GTF2F2: variants seen among roughly 807,000 people sequenced by gnomAD.
GTF2F2 encodes ATP-dependent helicase GTF2F2.
In GTF2F2, 23 loss-of-function variants were observed where a neutral mutation model predicts 42.2. The observed-to-expected ratio is 0.55, with a 90% CI of 0.39 to 0.77. GTF2F2 has a LOEUF of 0.77. Ranked by LOEUF, GTF2F2 falls within the 30% of genes least tolerant of loss-of-function variation. The pLI is 0.00. For missense variants in GTF2F2, 261 were observed against 287.2 expected (o/e 0.91, Z 0.66); for synonymous variants, 105 against 100.8 (o/e 1.04, Z -0.25).
Position 45,136,754 on chromosome 13 carries a change from C to T in GTF2F2, c.88C>T (p.Gln30Ter). ...LVKVPKYLSQ[Q>*]WAKASGRGEV... ...TTAGGTTCCTAAATATTTGTCACAG[C>T]AATGGGCTAAAGCCTCTGGAAGAGG... The change falls in exon 2 of 8, where the codon CAA (glutamine) becomes TAA (stop). Residue 30 changes from glutamine to a stop codon, truncating the protein, a stop_gained. Transcript: ENST00000340473. LOFTEE classifies it high-confidence loss of function. 1 of 1,593,410 alleles carries T rather than the reference C, an allele frequency of 6.3e-7. No individual in the cohort carries two copies. Among genetic ancestry groups the T allele is most frequent in the South Asian group, 1.1e-5 (1 of 89,728 alleles).
chr13:45,244,933 G>C (rs559653488), intron 5 of GTF2F2, among the ~76,000 whole-genome samples: 1 of 152,164 alleles, frequency 6.6e-6, no homozygotes, highest in African/African-American at 2.4e-5. Context: ...AAAATGCTGG[G>C]ATTACAGGCA....
intron 1 of GTF2F2, among the ~76,000 whole-genome samples, chr13:45,130,293 A>G (rs1410115015): frequency 6.6e-6 from 1 of 152,222 alleles, no homozygotes; most frequent in Admixed American, 6.5e-5. Flanking sequence ...CTGCAGTTGC[A>G]AAATAGAATG....
In GTF2F2 at chr13:45,245,796, C is replaced by G. The variant is rs1220784164; in HGVS notation, c.387-7075C>G. 2.1e-5 allele frequency among the ~76,000 whole-genome samples: 3 copies of G among 146,050 alleles called. No individual in the cohort carries two copies. The East Asian group carries it at 6.3e-4, about 31-fold the overall frequency. ...ATCTACTAAAAATACAAAAAATTAG[C>G]CGGGCGTGGTGGCAGGTGCCTGCAG... On this transcript the variant is annotated intron_variant, in intron 5 of 7. Transcript: ENST00000340473.
chr13:45,124,612 T>G (rs1297702746), intron 1 of GTF2F2, among the ~76,000 whole-genome samples: 2 of 152,168 alleles, frequency 1.3e-5, no homozygotes, highest in East Asian at 3.9e-4. Flanking sequence ...TCACCCAGGC[T>G]GGTGTGCAAT....
rs1331405112 is a variant in GTF2F2, at chr13:45,272,431, A to AC, written c.630+5055_630+5056insC. 3.4e-3 allele frequency among the ~76,000 whole-genome samples: 487 copies of AC among 143,228 alleles called. 1 individual carries two copies. The highest frequency in any genetic ancestry group is 6.4e-3 in the Non-Finnish European group (432 of 67,126). The allele number at this position is 143,228 out of a possible 152,430, so 94.0% of individuals were successfully genotyped here. On this transcript the variant is annotated intron_variant, in intron 7 of 7. Transcript: ENST00000340473. Reference sequence around the variant, plus strand: ...GGTTTTGTTTTGGCTCTTTAAAAAAAAAAAAAAAACAAAAAAAAAAAACAG... The same window carrying AC: ...GGTTTTGTTTTGGCTCTTTAAAAAAACAAAAAAAAACAAAAAAAAAAAACAG...
intron 4 of GTF2F2, among the ~76,000 whole-genome samples, chr13:45,156,979 A>C (rs1036217334): frequency 5.9e-5 from 9 of 152,220 alleles, no homozygotes; most frequent in African/African-American, 2.2e-4. Context: ...AGGAGACAAC[A>C]GTAAACATAA....
chr13:45,207,005 A>AACACACACACACACACACACACACACAC (rs10547539), intron 4 of GTF2F2: 8 of 139,278 alleles, frequency 5.7e-5, no homozygotes, highest in African/African-American at 1.8e-4. Flanking sequence ...CACATACACA[A>AACACACACACACACACACACACACACAC]ACACACACAC....
intron 1 of GTF2F2, chr13:45,124,064 C>CCAAATTCAT: frequency 9.6e-7 from 1 of 1,037,640 alleles, no homozygotes; most frequent in Non-Finnish European, 1.5e-6. Context: ...GTTGCTGTAG[C>CCAAATTCAT]CAAATTCATT....
At chr13:45,279,671 G>C (rs895154442) in intron 7 of GTF2F2, among the ~76,000 whole-genome samples, 1 of 152,136 alleles carries the variant, frequency 6.6e-6, no homozygotes, top group Non-Finnish European at 1.5e-5. Context: ...GCTTTGGGAG[G>C]CCGAGGCGGG....
chr13:45,128,729 G>A lies in GTF2F2; in HGVS notation c.67-8004G>A, dbSNP rs527452935. On this transcript the variant is annotated intron_variant, in intron 1 of 7. Transcript: ENST00000340473. Reference sequence around the variant, plus strand: ...CTGCCTCAACCTCCCAAGTACCTTGGATCACAAGTGTGCACTAATATGCCT... The same window carrying A: ...CTGCCTCAACCTCCCAAGTACCTTGAATCACAAGTGTGCACTAATATGCCT... Among the ~76,000 whole-genome samples, 25 of 152,110 alleles carry A rather than the reference G, an allele frequency of 1.6e-4. 1 individual carries two copies. The highest frequency in any genetic ancestry group is 5.8e-4 in the African/African-American group (24 of 41,534).
At chr13:45,233,980 C>T (rs1874820278) in intron 5 of GTF2F2, among the ~76,000 whole-genome samples, 1 of 152,160 alleles carries the variant, frequency 6.6e-6, no homozygotes, top group South Asian at 2.1e-4. Context: ...TTTATGTTTT[C>T]CTACTGGTGA....
At chr13:45,162,438 A>G (rs1417974968) in intron 4 of GTF2F2, among the ~76,000 whole-genome samples, 3 of 152,224 alleles carry the variant, frequency 2.0e-5, no homozygotes, top group Non-Finnish European at 2.9e-5. Context: ...TGTGAGGAGG[A>G]ACAAACAGGA....
intron 2 of GTF2F2, among the ~76,000 whole-genome samples, chr13:45,139,739 G>T (rs1869828372): frequency 6.6e-6 from 1 of 152,106 alleles, no homozygotes; most frequent in African/African-American, 2.4e-5. Context: ...AACTCTACCA[G>T]GTCAGGATTT....
intron 4 of GTF2F2, among the ~76,000 whole-genome samples, chr13:45,197,526 A>G (rs1309071170): frequency 1.3e-5 from 2 of 150,128 alleles, no homozygotes; most frequent in East Asian, 3.9e-4. Context: ...AAAAAAAAAA[A>G]GGCACCCAGT....
chr13:45,131,333 G>A (rs2138093286), intron 1 of GTF2F2, among the ~76,000 whole-genome samples: 1 of 152,268 alleles, frequency 6.6e-6, no homozygotes, highest in East Asian at 1.9e-4. Context: ...AGAGTCCAGA[G>A]AAGTAGAGGG....
intron 7 of GTF2F2, among the ~76,000 whole-genome samples, chr13:45,277,611 C>T (rs1168669726): frequency 6.6e-6 from 1 of 152,138 alleles, no homozygotes; most frequent in Non-Finnish European, 1.5e-5. Context: ...CAGTTTCTTC[C>T]TAATGTGTAG....
chr13:45,176,629 C>T (rs1310377500), intron 4 of GTF2F2, among the ~76,000 whole-genome samples: 1 of 152,060 alleles, frequency 6.6e-6, no homozygotes, highest in South Asian at 2.1e-4. Context: ...CTTTAATAGT[C>T]CAGTTTGTCA....
At chr13:45,153,459 T>A (rs1334840854) in intron 4 of GTF2F2, among the ~76,000 whole-genome samples, 1 of 152,210 alleles carries the variant, frequency 6.6e-6, no homozygotes, top group Admixed American at 6.5e-5. Context: ...GAAGGTTGGT[T>A]TCATTGCAGT....
chr13:45,261,425 CAA>C (rs976923932), intron 6 of GTF2F2, among the ~76,000 whole-genome samples: 14 of 58,850 alleles, frequency 2.4e-4, no homozygotes, highest in Admixed American at 5.9e-4. Flanking sequence ...GACTCCATCT[CAA>C]AAAAAAAAAA....
Sources: gnomAD v4.1 joint callset for allele counts (sites outside exome capture counted in the v4.1 genomes callset) on GRCh38, gnomAD v4.1.1 for gene constraint, MANE v1.5 for transcripts, NCBI Gene and HGNC (gene_info 2026-07-23, HGNC 2026-07-21) for gene names.